DPP6: variants seen among roughly 807,000 people sequenced by gnomAD.
DPP6 encodes the protein dipeptidyl peptidase like 6.
A neutral mutation model predicts 122.6 loss-of-function variants in DPP6; 69 were observed. The observed-to-expected ratio is 0.56, with a 90% CI of 0.46 to 0.69. DPP6 has a LOEUF of 0.69. Among genes scored for constraint, DPP6 ranks in the 30% least tolerant of loss-of-function variants. DPP6 has a pLI of 0.00. For missense variants in DPP6, 928 were observed against 1,116.9 expected, an observed-to-expected ratio of 0.83 and a Z score of 2.41; for synonymous variants, 418 against 433.1, an observed-to-expected ratio of 0.97 and a Z score of 0.43.
At chr7:154,548,132 CG>C (rs1476413251) in intron 4 of DPP6, among the ~76,000 whole-genome samples, 1 of 151,946 alleles carries the variant, frequency 6.6e-6, no homozygotes, top group African/African-American at 2.4e-5. Flanking sequence ...TTGCGTGAAC[CG>C]GGGAGGTGGA....
chr7:154,837,988 T>A lies in DPP6; in HGVS notation c.1667-15792T>A, dbSNP rs77053731. Among the ~76,000 whole-genome samples, 1,333 of 152,308 alleles carry A rather than the reference T, an allele frequency of 8.8e-3. 17 individuals carry two copies. The highest frequency in any genetic ancestry group is 0.029 in the African/African-American group (1,215 of 41,538). On this transcript the variant is annotated intron_variant, in intron 16 of 25. Coordinates refer to ENST00000377770, the MANE Select transcript of DPP6 (RefSeq NM_130797.4). ...TCCCCCAAGCGATCTTACATTTTTT[T>A]AAAAATTGTTCATTTAGTTTAAAAA...
At chr7:153,909,362 C>T (rs1243884863) in intron 1 of DPP6, among the ~76,000 whole-genome samples, 3 of 152,058 alleles carry the variant, frequency 2.0e-5, no homozygotes, top group African/African-American at 4.8e-5. Context: ...TTCCAGAGCA[C>T]TTGGAGCAGT....
At position 154,621,256 on chromosome 7, in the gene DPP6, A is replaced by G. The variant is rs573869814; in HGVS notation, c.628-16565A>G. On this transcript the variant is annotated intron_variant, in intron 5 of 25. Coordinates refer to ENST00000377770, the MANE Select transcript of DPP6 (RefSeq NM_130797.4). ...AATGAGTCTATAATATGTTTATGTC[A>G]TGTATTAAAAATCTCCACGGTCTTA... Among the ~76,000 whole-genome samples, 27 of 152,336 alleles carry G rather than the reference A, an allele frequency of 1.8e-4. No homozygotes were observed. In the South Asian group the frequency reaches 2.9e-3, roughly 16 times the overall value.
chr7:154,342,047 G>A (rs1809981280), intron 1 of DPP6, among the ~76,000 whole-genome samples: 1 of 152,136 alleles, frequency 6.6e-6, no homozygotes. Flanking sequence ...TGTTATCAGA[G>A]GGAGAAAATG....
At chr7:153,843,539 G>A in the DPP6 span, among the ~76,000 whole-genome samples, 70 of 152,186 alleles carry the variant, frequency 4.6e-4, no homozygotes, top group African/African-American at 1.6e-3. Flanking sequence ...GACCTGAGAT[G>A]CCACCAATGC....
intron 5 of DPP6, among the ~76,000 whole-genome samples, chr7:154,598,348 T>G (rs1480648253): frequency 6.6e-6 from 1 of 152,228 alleles, no homozygotes; most frequent in Non-Finnish European, 1.5e-5. Flanking sequence ...CAGTCTAACA[T>G]TGAACTTTAG....
chr7:154,156,776 G>C (rs1337160151), intron 1 of DPP6, among the ~76,000 whole-genome samples: 1 of 152,126 alleles, frequency 6.6e-6, no homozygotes, highest in African/African-American at 2.4e-5. Context: ...TAGGTAGGTA[G>C]GTAGGTAGGT....
the DPP6 span, among the ~76,000 whole-genome samples, chr7:153,789,654 A>T: frequency 1.3e-5 from 2 of 152,196 alleles, no homozygotes; most frequent in Admixed American, 1.3e-4. Context: ...GAAAGAAGAA[A>T]ATCACCTTAA....
intron 3 of DPP6, among the ~76,000 whole-genome samples, chr7:154,528,797 A>T (rs1397496131): frequency 6.6e-6 from 1 of 152,222 alleles, no homozygotes; most frequent in Non-Finnish European, 1.5e-5. Flanking sequence ...TGTACAAGGG[A>T]GTTGGCCTTT....
chr7:153,829,181 G>A, the DPP6 span, among the ~76,000 whole-genome samples: 1 of 152,142 alleles, frequency 6.6e-6, no homozygotes. Context: ...CTGGGGCCAT[G>A]TTTTGGCTTT....
chr7:154,525,755 T>G (rs915487500), intron 3 of DPP6, among the ~76,000 whole-genome samples: 119 of 52,070 alleles, frequency 2.3e-3, no homozygotes, highest in African/African-American at 8.3e-3. Flanking sequence ...TTTTGTTGTG[T>G]TTTTTTTTTT....
intron 3 of DPP6, among the ~76,000 whole-genome samples, chr7:154,484,566 G>A (rs535108491): frequency 6.6e-6 from 1 of 152,294 alleles, no homozygotes; most frequent in East Asian, 1.9e-4. Context: ...TAACTTGTCT[G>A]CTAGCTCCAG....
chr7:154,295,484 G>C (rs1362711762), intron 1 of DPP6, among the ~76,000 whole-genome samples: 1 of 152,126 alleles, frequency 6.6e-6, no homozygotes, highest in Non-Finnish European at 1.5e-5. Flanking sequence ...ATAATGCAGG[G>C]CTGCAGAGGG....
intron 4 of DPP6, among the ~76,000 whole-genome samples, chr7:154,560,557 C>T (rs1830355528): frequency 6.6e-6 from 1 of 152,062 alleles, no homozygotes; most frequent in Admixed American, 6.6e-5. Flanking sequence ...TCTATGTTAT[C>T]TAATTTTAAT....
At chr7:154,886,465 TCTC>T (rs1264685680) in intron 22 of DPP6, among the ~76,000 whole-genome samples, 2 of 152,138 alleles carry the variant, frequency 1.3e-5, no homozygotes, top group East Asian at 3.9e-4. Context: ...GCTCCTGCAT[TCTC>T]CTCCTTATGG....
chr7:154,830,164 T>A (rs939470497), intron 16 of DPP6, among the ~76,000 whole-genome samples: 5 of 152,246 alleles, frequency 3.3e-5, no homozygotes, highest in Non-Finnish European at 4.4e-5. Context: ...CACGTTTTCC[T>A]GTCTCTATCT....
At chr7:154,827,560 G>T (rs1347759187) in intron 16 of DPP6, among the ~76,000 whole-genome samples, 1 of 152,000 alleles carries the variant, frequency 6.6e-6, no homozygotes, top group Non-Finnish European at 1.5e-5. Flanking sequence ...GGAAATCAGA[G>T]CCTAAGAGTA....
chr7:154,142,097 G>C (rs187949907), intron 1 of DPP6, among the ~76,000 whole-genome samples: 319 of 152,136 alleles, frequency 2.1e-3, no homozygotes, highest in African/African-American at 7.4e-3. Flanking sequence ...GAAAGATATC[G>C]TACTCCCAGG....
rs1306076817 is a variant in DPP6, at chr7:154,893,154, C to T, written c.*674C>T. 8.8e-6 allele frequency: 3 copies of T among 341,770 alleles called. No homozygotes were observed. The highest frequency in any genetic ancestry group is 4.5e-5 in the South Asian group (2 of 44,666). 21.2% of individuals were successfully genotyped at this position (341,770 alleles called of 1,614,324 possible). On this transcript the variant is annotated 3_prime_UTR_variant, in exon 26 of 26. Transcript: ENST00000377770. ...GGTTGTTTTGCTGTTTGGGGTTGGG[C>T]CTTGTTTCCCTTTCCTTTCTCCAGT... is the stretch of plus-strand genomic sequence containing the variant.
Sources: allele counts gnomAD v4.1 joint callset (sites outside exome capture counted in the v4.1 genomes callset), GRCh38; gene constraint gnomAD v4.1.1; transcripts MANE v1.5; gene names NCBI Gene and HGNC (gene_info 2026-07-23, HGNC 2026-07-21).